The following OSBPL1A variants were observed in gnomAD, a reference collection of about 807,000 sequenced individuals.
OSBPL1A encodes the protein oxysterol binding protein like 1A.
A neutral mutation model predicts 137.1 loss-of-function variants in OSBPL1A; 80 were observed. The observed-to-expected ratio is 0.58, with a 90% CI of 0.49 to 0.70. The LOEUF is 0.70. Among genes scored for constraint, OSBPL1A ranks in the 30% least tolerant of loss-of-function variants. OSBPL1A has a pLI of 0.00. For missense variants in OSBPL1A, 970 were observed against 1,129.4 expected (o/e 0.86, Z 2.02); for synonymous variants, 365 against 389.7 (o/e 0.94, Z 0.75).
At chr18:24,292,403 C>G (rs2090190785) in intron 14 of OSBPL1A, among the ~76,000 whole-genome samples, 1 of 152,148 alleles carries the variant, frequency 6.6e-6, no homozygotes, top group African/African-American at 2.4e-5. Context: ...TTGACTTGTA[C>G]ACTCGTTAAA....
chr18:24,168,291 AC>A (rs539552127), intron 24 of OSBPL1A, among the ~76,000 whole-genome samples: 54 of 152,276 alleles, frequency 3.5e-4, no homozygotes, highest in African/African-American at 1.3e-3. Flanking sequence ...CTAGAGAAGC[AC>A]CATCACTACC....
At position 24,168,627 on chromosome 18, in the gene OSBPL1A, A is replaced by G. The variant is rs117771797; in HGVS notation, c.2419-1182T>C. On this transcript the variant is annotated intron_variant, in intron 24 of 27. Coordinates refer to ENST00000319481, the MANE Select transcript of OSBPL1A (RefSeq NM_080597.4). ...TCATAGTCCCAGCATCACACAGTGA[A>G]CAAATCTAGAACTACTGGCTGAGAC... Among the ~76,000 whole-genome samples, 79 of 152,316 alleles carry G rather than the reference A, an allele frequency of 5.2e-4. 1 individual carries two copies. The East Asian group carries it at 0.014, about 27-fold the overall frequency.
At chr18:24,237,622 A>C (rs911102442) in intron 16 of OSBPL1A, among the ~76,000 whole-genome samples, 40 of 152,176 alleles carry the variant, frequency 2.6e-4, no homozygotes, top group Non-Finnish European at 5.1e-4. Flanking sequence ...TTTTATTTTT[A>C]AAAAAGAATA....
At chr18:24,393,739 C>A (rs1230475241) in intron 1 of OSBPL1A, among the ~76,000 whole-genome samples, 1 of 152,196 alleles carries the variant, frequency 6.6e-6, no homozygotes, top group African/African-American at 2.4e-5. Flanking sequence ...AGGTGTGAGC[C>A]ACTGCACCTG....
At chr18:24,188,130 G>A (rs1338460263) in intron 18 of OSBPL1A, among the ~76,000 whole-genome samples, 1 of 152,254 alleles carries the variant, frequency 6.6e-6, no homozygotes, top group Non-Finnish European at 1.5e-5. Context: ...GGAAGGAATA[G>A]ATGGACCAGG....
chr18:24,229,293 C>G (rs937283116), intron 16 of OSBPL1A, among the ~76,000 whole-genome samples: 8 of 152,166 alleles, frequency 5.3e-5, no homozygotes, highest in African/African-American at 1.9e-4. Context: ...TGTATACTCA[C>G]TAGAGAGGAA....
intron 1 of OSBPL1A, among the ~76,000 whole-genome samples, chr18:24,394,824 C>CAA (rs10626850): frequency 0.47 from 70,455 of 151,304 alleles, 17,108 homozygotes; most frequent in South Asian, 0.62. Flanking sequence ...TTAAAGACTG[C>CAA]TTTCACTATA....
intron 14 of OSBPL1A, among the ~76,000 whole-genome samples, chr18:24,300,761 T>A (rs1416192781): frequency 6.6e-6 from 1 of 152,208 alleles, no homozygotes; most frequent in African/African-American, 2.4e-5. Flanking sequence ...TTTTTTATCT[T>A]AAGTCACTGG....
chr18:24,336,312 A>T (rs190930808), intron 5 of OSBPL1A, among the ~76,000 whole-genome samples: 2 of 152,374 alleles, frequency 1.3e-5, no homozygotes, highest in East Asian at 3.9e-4. Flanking sequence ...TAGGTTGTCT[A>T]GGCTCATAAA....
In OSBPL1A at chr18:24,174,438, C is replaced by CA. The variant is rs1317309249; in HGVS notation, c.2094-1956dup. ...ACTTTTTGAGCACTGACATGACACT[C>CA]AAAGGAAATGGTCACTGGAGTATTT... is the stretch of plus-strand genomic sequence containing the variant. On this transcript the variant is annotated intron_variant, in intron 21 of 27. Transcript: ENST00000319481. 2.6e-5 allele frequency among the ~76,000 whole-genome samples: 4 copies of CA among 152,230 alleles called. No homozygotes were observed. The East Asian group carries it at 7.7e-4, about 29-fold the overall frequency.
At position 24,351,100 on chromosome 18, in the gene OSBPL1A, C is replaced by A. The variant is rs146390700; in HGVS notation, c.283-9442G>T. ...CGGTGGCTCACACTTGTAATCCCAGCACTTTGGGAGGCAAAAGTGGGCAGA... is the reference window on the plus strand; with the variant it reads ...CGGTGGCTCACACTTGTAATCCCAGAACTTTGGGAGGCAAAAGTGGGCAGA... On this transcript the variant is annotated intron_variant, in intron 4 of 27. Transcript: ENST00000319481. 1.9e-3 allele frequency among the ~76,000 whole-genome samples: 288 copies of A among 152,128 alleles called. 1 individual carries two copies. Among genetic ancestry groups the A allele is most frequent in the African/African-American group, 6.7e-3 (279 of 41,508 alleles).
At chr18:24,336,477 C>T (rs776150322) in intron 5 of OSBPL1A, among the ~76,000 whole-genome samples, 1 of 152,086 alleles carries the variant, frequency 6.6e-6, no homozygotes, top group Non-Finnish European at 1.5e-5. Flanking sequence ...TTCTAGAATG[C>T]TCGCAATGTT....
In OSBPL1A at chr18:24,303,250, C is replaced by T. The variant is rs563304421; in HGVS notation, c.1174+387G>A. ...TCCTGACCTCAAGTGATCCACATGC[C>T]TTGGCCTCACAAAGTACTGGGATTA... is the stretch of plus-strand genomic sequence containing the variant. On this transcript the variant is annotated intron_variant, in intron 14 of 27. Transcript: ENST00000319481. Among the ~76,000 whole-genome samples, 4 of 152,294 alleles carry T rather than the reference C, an allele frequency of 2.6e-5. No individual in the cohort carries two copies. The South Asian group carries it at 8.3e-4, about 32-fold the overall frequency.
intron 5 of OSBPL1A, among the ~76,000 whole-genome samples, chr18:24,334,770 A>G (rs973487547): frequency 4.6e-5 from 7 of 152,248 alleles, no homozygotes; most frequent in African/African-American, 1.4e-4. Context: ...ACATAAAAAT[A>G]TAAAATTTAT....
At chr18:24,272,910 AATTT>A (rs1034493926) in intron 15 of OSBPL1A, among the ~76,000 whole-genome samples, 10 of 151,720 alleles carry the variant, frequency 6.6e-5, no homozygotes, top group African/African-American at 2.4e-4. Context: ...TTAATTAATT[AATTT>A]ATTTATTTGG....
rs145974792 is a variant in OSBPL1A, at chr18:24,178,253, T to C, written c.1911-58A>G. ...AAAAGCAACATTATAATTAACTCTA[T>C]CATTAAACATGTACATAATTGCCCT... On this transcript the variant is annotated intron_variant, in intron 20 of 27. Transcript: ENST00000319481. 140 of 1,379,090 alleles carry C rather than the reference T, an allele frequency of 1.0e-4. 1 individual carries two copies. In the African/African-American group the frequency reaches 1.9e-3, roughly 19 times the overall value. The allele number at this position is 1,379,090 out of a possible 1,614,324, so 85.4% of individuals were successfully genotyped here.
intron 14 of OSBPL1A, among the ~76,000 whole-genome samples, chr18:24,281,544 T>C (rs1434497803): frequency 6.6e-6 from 1 of 151,676 alleles, no homozygotes; most frequent in Non-Finnish European, 1.5e-5. Flanking sequence ...CACGCTATCA[T>C]GCCTGGCTAA....
chr18:24,315,654 AATTAT>A (rs2090708292), intron 11 of OSBPL1A, among the ~76,000 whole-genome samples: 1 of 127,580 alleles, frequency 7.8e-6, no homozygotes, highest in African/African-American at 3.3e-5. Context: ...TAAAATATAA[AATTAT>A]AATATAATAT....
rs942503798 is a variant in OSBPL1A, at chr18:24,251,484, T to A, written c.1282-12102A>T. Among the ~76,000 whole-genome samples the A allele has an allele frequency of 2.0e-5, 3 of 152,278 alleles. No homozygotes were observed. The South Asian group carries it at 6.2e-4, about 32-fold the overall frequency. On this transcript the variant is annotated intron_variant, in intron 15 of 27. Transcript: ENST00000319481. ...TCTGCCTGGTAACCCAGAGAATTCT[T>A]CCAGATCTTATCCAAGACCACCAAG...
Sources: allele counts gnomAD v4.1 joint callset (sites outside exome capture counted in the v4.1 genomes callset), GRCh38; gene constraint gnomAD v4.1.1; transcripts MANE v1.5; gene names NCBI Gene and HGNC (gene_info 2026-07-23, HGNC 2026-07-21).